The following ST18 variants were observed in gnomAD, a reference collection of about 807,000 sequenced individuals.
ST18 encodes the protein ST18 C2H2C-type zinc finger transcription factor.
Under a neutral mutation model 110.0 loss-of-function variants are expected in ST18, and 50 were observed. The observed-to-expected ratio is 0.45, with a 90% CI of 0.36 to 0.58. ST18 has a LOEUF of 0.58. ST18 is among the 20% of genes least tolerant of loss of function. ST18 has a pLI of 0.00. For missense variants in ST18, 1,306 were observed against 1,280.1 expected (o/e 1.02, Z -0.31); for synonymous variants, 461 against 452.4 (o/e 1.02, Z -0.24).
At chr8:52,359,028 A>G (rs999595435) in intron 2 of ST18, among the ~76,000 whole-genome samples, 7 of 152,058 alleles carry the variant, frequency 4.6e-5, no homozygotes, top group Admixed American at 2.6e-4. Flanking sequence ...ATTATACTCT[A>G]TGATCAAGTG....
At chr8:52,385,019 C>T (rs560453917) in intron 2 of ST18, among the ~76,000 whole-genome samples, 1 of 152,324 alleles carries the variant, frequency 6.6e-6, no homozygotes, top group South Asian at 2.1e-4. Context: ...CTTACATTGA[C>T]AAGTACTTTC....
At chr8:52,154,810 G>C (rs1022102436) in intron 15 of ST18, 2 of 149,274 alleles carry the variant, frequency 1.3e-5, no homozygotes, top group African/African-American at 4.9e-5. Flanking sequence ...GAGCCCAGGA[G>C]TTGAAGGCTG....
chr8:52,136,709 C>A, intron 18 of ST18, 51 bp from the exon 19 acceptor site: 1 of 1,496,278 alleles, frequency 6.7e-7, no homozygotes. Context: ...ATATACAAAT[C>A]TGAGTCAAAT....
chr8:52,264,091 G>A (rs984687454), intron 2 of ST18, among the ~76,000 whole-genome samples: 4 of 152,084 alleles, frequency 2.6e-5, no homozygotes, highest in Non-Finnish European at 5.9e-5. Context: ...GAGCCACCAC[G>A]CCTGGCAATA....
At chr8:52,367,270 A>ACACACACACACACAC (rs55935866) in intron 2 of ST18, among the ~76,000 whole-genome samples, 48 of 150,764 alleles carry the variant, frequency 3.2e-4, no homozygotes, top group East Asian at 7.8e-4. Flanking sequence ...ACACACACAC[A>ACACACACACACACAC]AAGATTTTAC....
chr8:52,312,031 G>GCATTAACCTCT (rs1348666470), intron 2 of ST18, among the ~76,000 whole-genome samples: 2 of 152,084 alleles, frequency 1.3e-5, no homozygotes, highest in Non-Finnish European at 2.9e-5. Flanking sequence ...ATGTACCTTT[G>GCATTAACCTCT]CATTAACCTC....
intron 17 of ST18, chr8:52,137,689 G>A (rs978028040): frequency 4.8e-5 from 24 of 497,854 alleles, no homozygotes; most frequent in Admixed American, 1.1e-4. Flanking sequence ...AGCATGATGA[G>A]TTACTTCCTT....
intron 22 of ST18, among the ~76,000 whole-genome samples, chr8:52,129,451 CAAAAAA>C (rs34059224): frequency 1.4e-5 from 1 of 72,278 alleles, no homozygotes; most frequent in East Asian, 5.2e-4. Flanking sequence ...GAGACTCCAT[CAAAAAA>C]AAAAAAAAAA....
intron 2 of ST18, among the ~76,000 whole-genome samples, chr8:52,280,754 A>G (rs555114053): frequency 1.2e-3 from 178 of 152,216 alleles, no homozygotes; most frequent in Non-Finnish European, 2.3e-3. Context: ...AGACAACTCT[A>G]ATAAAATTGG....
At chr8:52,388,720 T>C (rs1564636089) in intron 2 of ST18, among the ~76,000 whole-genome samples, 2 of 147,260 alleles carry the variant, frequency 1.4e-5, no homozygotes, top group Non-Finnish European at 3.0e-5. Context: ...GGGAGGGCCT[T>C]TCTCAAAAGG....
At chr8:52,343,367 T>G (rs1162853577) in intron 2 of ST18, among the ~76,000 whole-genome samples, 11 of 152,326 alleles carry the variant, frequency 7.2e-5, no homozygotes, top group South Asian at 2.1e-4. Context: ...CCCTTCCTAC[T>G]TTATATGAGG....
At chr8:52,193,501 G>A (rs1043220633) in intron 8 of ST18, among the ~76,000 whole-genome samples, 2 of 152,232 alleles carry the variant, frequency 1.3e-5, no homozygotes. Flanking sequence ...AGTTGGCTAA[G>A]CCTTCCATAG....
rs1262643347 is a variant in ST18 at position 52,161,566 on chromosome 8, G to C, written c.1403C>G (p.Thr468Arg). 4 of 1,613,898 alleles carry C rather than the reference G, an allele frequency of 2.5e-6. No individual in the cohort carries two copies. The highest frequency in any genetic ancestry group is 1.7e-5 in the Admixed American group (1 of 59,986). Residue 468 changes from threonine to arginine, a missense_variant and splice_region_variant, in exon 14 of 26, where the codon ACA becomes AGA. Physicochemically the swap from Thr to Arg is moderately conservative, Grantham distance 71. Transcript: ENST00000689386. ...GAATTCAATTTGCTTCACCAAACTT[G>C]TCCTGGAGAGGGGGGTGAAGCAGTT... ...TGQCPDQAHR[T>R]SLVKQIEFNF...
At chr8:52,243,894 A>G (rs994888139) in intron 2 of ST18, among the ~76,000 whole-genome samples, 8 of 151,880 alleles carry the variant, frequency 5.3e-5, no homozygotes, top group Non-Finnish European at 1.0e-4. Flanking sequence ...AGAGAGAGGG[A>G]GAGAGAGAGA....
chr8:52,245,288 A>G (rs2093753133), intron 2 of ST18, among the ~76,000 whole-genome samples: 1 of 152,136 alleles, frequency 6.6e-6, no homozygotes, highest in African/African-American at 2.4e-5. Flanking sequence ...TCTACATTCC[A>G]GGAATGAAAA....
intron 2 of ST18, among the ~76,000 whole-genome samples, chr8:52,342,659 C>G (rs1344865775): frequency 2.0e-5 from 3 of 152,158 alleles, no homozygotes; most frequent in Non-Finnish European, 2.9e-5. Context: ...TGCAGGAGAT[C>G]TGGGGTGGTT....
intron 2 of ST18, among the ~76,000 whole-genome samples, chr8:52,300,785 C>T (rs759005595): frequency 6.6e-6 from 1 of 152,138 alleles, no homozygotes; most frequent in Admixed American, 6.5e-5. Flanking sequence ...TGATGATGAC[C>T]GTATGGCCCA....
At chr8:52,125,842 G>T in intron 23 of ST18, 1 of 525,308 alleles carries the variant, frequency 1.9e-6, no homozygotes, top group Non-Finnish European at 3.3e-6. Context: ...TTTCTCTGTT[G>T]GAGATCACTC....
intron 2 of ST18, among the ~76,000 whole-genome samples, chr8:52,245,686 C>T (rs1251680875): frequency 6.6e-6 from 1 of 152,008 alleles, no homozygotes; most frequent in Non-Finnish European, 1.5e-5. Flanking sequence ...ACATTTCACC[C>T]AGCAGACCAA....
Sources: allele counts gnomAD v4.1 joint callset (sites outside exome capture counted in the v4.1 genomes callset), GRCh38; gene constraint gnomAD v4.1.1; transcripts MANE v1.5; gene names NCBI Gene and HGNC (gene_info 2026-07-23, HGNC 2026-07-21).